Variants in RBFOX1 observed in about 807,000 individuals in gnomAD.
RBFOX1 encodes RNA binding fox-1 homolog 1, also known as RNA binding protein fox-1 homolog 1.
Under a neutral mutation model 57.7 loss-of-function variants are expected in RBFOX1, and 8 were observed. The ratio of observed to expected loss-of-function variants is 0.14; its 90% CI spans 0.08 to 0.25. RBFOX1 has a LOEUF of 0.25. RBFOX1 is among the 10% of genes least tolerant of loss of function. The pLI, the probability that RBFOX1 is intolerant of heterozygous loss-of-function variation, is 1.00. For synonymous variants in RBFOX1, 326 were observed against 222.4 expected, an observed-to-expected ratio of 1.47 and a Z score of -4.15; for missense variants, 611 against 548.5, an observed-to-expected ratio of 1.11 and a Z score of -1.14.
intron 1 of RBFOX1, among the ~76,000 whole-genome samples, chr16:6,290,125 G>C (rs1334940275): frequency 2.0e-5 from 3 of 150,718 alleles, no homozygotes; most frequent in African/African-American, 7.3e-5. Flanking sequence ...TTGGATCGTT[G>C]TATTTAGAAA....
At chr16:6,998,087 T>C (rs1013179377) in intron 3 of RBFOX1, among the ~76,000 whole-genome samples, 4 of 152,126 alleles carry the variant, frequency 2.6e-5, no homozygotes, top group African/African-American at 9.7e-5. Flanking sequence ...TATAAATATA[T>C]GTACATTATA....
intron 4 of RBFOX1, among the ~76,000 whole-genome samples, chr16:7,232,334 A>C (rs1567816667): frequency 6.6e-6 from 1 of 152,192 alleles, no homozygotes; most frequent in Non-Finnish European, 1.5e-5. Flanking sequence ...TGAGATATAT[A>C]ACTTGCTTGA....
chr16:7,142,544 C>T (rs550633164), intron 4 of RBFOX1, among the ~76,000 whole-genome samples: 11 of 152,254 alleles, frequency 7.2e-5, no homozygotes, highest in East Asian at 5.8e-4. Flanking sequence ...TCCGCATGGC[C>T]GGCTCTTTCT....
intron 3 of RBFOX1, among the ~76,000 whole-genome samples, chr16:6,819,409 C>T (rs955016499): frequency 2.0e-5 from 3 of 152,110 alleles, no homozygotes; most frequent in Admixed American, 1.3e-4. Flanking sequence ...TGCAAAAGGT[C>T]ATCTTCAGAA....
chr16:6,168,704 G>T (rs1037760859), intron 1 of RBFOX1, among the ~76,000 whole-genome samples: 9 of 152,122 alleles, frequency 5.9e-5, no homozygotes, highest in Non-Finnish European at 1.0e-4. Context: ...GGGAGGGAAG[G>T]GGTCTTTTCT....
intron 4 of RBFOX1, among the ~76,000 whole-genome samples, chr16:7,378,771 C>G (rs578045229): frequency 6.6e-6 from 1 of 152,190 alleles, no homozygotes; most frequent in African/African-American, 2.4e-5. Context: ...TACTGCAGAA[C>G]ACGGACACTC....
chr16:5,276,973 T>C (rs11864380), intron 1 of RBFOX1, among the ~76,000 whole-genome samples: 208 of 152,312 alleles, frequency 1.4e-3, no homozygotes, highest in African/African-American at 4.8e-3. Context: ...AGTCATCGTA[T>C]GAAAAAGACA....
At chr16:5,645,039 C>T (rs1165685048) in intron 3 of RBFOX1, among the ~76,000 whole-genome samples, 1 of 150,264 alleles carries the variant, frequency 6.7e-6, no homozygotes, top group Non-Finnish European at 1.5e-5. Context: ...CATTTGAGAC[C>T]AGCCTGAGCA....
intron 3 of RBFOX1, among the ~76,000 whole-genome samples, chr16:6,696,304 C>G (rs960538019): frequency 6.6e-6 from 1 of 151,870 alleles, no homozygotes; most frequent in South Asian, 2.1e-4. Flanking sequence ...TGAAATATCT[C>G]TGACTTTTTC....
Position 6,855,548 on chromosome 16 carries a change from G to A in RBFOX1, c.-15-196509G>A, listed in dbSNP as rs541648098. 9.9e-5 allele frequency among the ~76,000 whole-genome samples: 15 copies of A among 151,764 alleles called. No individual in the cohort carries two copies. The South Asian group carries it at 3.1e-3, about 32-fold the overall frequency. ...GGTGCCTGTAGTCCCAGCTACTGGG[G>A]AGGCTGAGGCAGGAGAATGGCGTGA... On this transcript the variant is annotated intron_variant, in intron 3 of 15. Transcript: ENST00000550418.
At chr16:7,704,049 T>C (rs530286878) in intron 14 of RBFOX1, among the ~76,000 whole-genome samples, 48 of 152,268 alleles carry the variant, frequency 3.2e-4, no homozygotes, top group African/African-American at 1.1e-3. Context: ...TTGAGTTAGG[T>C]AGGGCTCAGT....
intron 4 of RBFOX1, among the ~76,000 whole-genome samples, chr16:7,302,737 ATG>A (rs2096063937): frequency 1.6e-5 from 2 of 125,666 alleles, no homozygotes; most frequent in South Asian, 5.8e-4. Flanking sequence ...GAATGCAAGA[ATG>A]TGCTTTTTTT....
At chr16:5,620,074 A>T (rs1423331007) in intron 3 of RBFOX1, among the ~76,000 whole-genome samples, 1 of 151,940 alleles carries the variant, frequency 6.6e-6, no homozygotes, top group African/African-American at 2.4e-5. Context: ...CTACTGTTTC[A>T]TTGGCCTCGC....
At chr16:6,803,859 T>TA (rs1359607757) in intron 3 of RBFOX1, among the ~76,000 whole-genome samples, 1 of 152,186 alleles carries the variant, frequency 6.6e-6, no homozygotes, top group African/African-American at 2.4e-5. Context: ...CCTTTTACAA[T>TA]AAAAAACCAT....
At chr16:6,136,537 A>C (rs1268578933) in intron 1 of RBFOX1, among the ~76,000 whole-genome samples, 2 of 152,156 alleles carry the variant, frequency 1.3e-5, no homozygotes, top group South Asian at 2.1e-4. Flanking sequence ...GAAACTACCC[A>C]TTATTATGAA....
intron 3 of RBFOX1, among the ~76,000 whole-genome samples, chr16:5,661,499 C>T (rs189610856): frequency 7.1e-4 from 108 of 152,278 alleles, no homozygotes; most frequent in African/African-American, 2.5e-3. Flanking sequence ...TCCAGATTTT[C>T]CCAGTTGTCT....
chr16:6,853,620 G>A (rs1029742668), intron 3 of RBFOX1, among the ~76,000 whole-genome samples: 1 of 152,102 alleles, frequency 6.6e-6, no homozygotes, highest in Non-Finnish European at 1.5e-5. Context: ...CAGTTTGATG[G>A]GATTAATTTG....
intron 3 of RBFOX1, among the ~76,000 whole-genome samples, chr16:6,899,233 G>T (rs2067841821): frequency 6.6e-6 from 1 of 151,910 alleles, no homozygotes; most frequent in Non-Finnish European, 1.5e-5. Flanking sequence ...GTGGATGCGT[G>T]TCCATGTGTA....
intron 4 of RBFOX1, among the ~76,000 whole-genome samples, chr16:7,201,076 A>G (rs1463893507): frequency 2.0e-5 from 3 of 152,190 alleles, no homozygotes; most frequent in African/African-American, 7.2e-5. Flanking sequence ...GGAATCACAA[A>G]TATAAATTTA....
Sources: gnomAD v4.1 joint callset for allele counts (sites outside exome capture counted in the v4.1 genomes callset) on GRCh38, gnomAD v4.1.1 for gene constraint, MANE v1.5 for transcripts, NCBI Gene and HGNC (gene_info 2026-07-23, HGNC 2026-07-21) for gene names.